Variants in ARHGEF16 observed in about 807,000 individuals in gnomAD.
ARHGEF16 encodes the protein Rho guanine nucleotide exchange factor 16.
A neutral mutation model predicts 74.1 loss-of-function variants in ARHGEF16; 59 were observed. The observed-to-expected ratio is 0.80, with a 90% CI of 0.65 to 0.99. ARHGEF16 has a LOEUF of 0.99. Ranked by LOEUF, ARHGEF16 falls within the 50% of genes least tolerant of loss-of-function variation. The probability of loss-of-function intolerance (pLI) is 0.00; values close to 1 mark genes in which losing one functional copy is unlikely to be tolerated. For synonymous variants in ARHGEF16, 415 were observed against 412.6 expected (o/e 1.01, Z -0.07); for missense variants, 948 against 986.6 (o/e 0.96, Z 0.52).
chr1:3,461,594 CA>C (rs1639396603), intron 1 of ARHGEF16, among the ~76,000 whole-genome samples: 2 of 152,180 alleles, frequency 1.3e-5, no homozygotes, highest in African/African-American at 2.4e-5. Flanking sequence ...TGCAAGTGCC[CA>C]GGGGGGTTGC....
chr1:3,480,974 T>G lies in ARHGEF16; in HGVS notation c.*387T>G. The G allele has an allele frequency of 4.9e-6, 1 of 203,136 alleles. No individual in the cohort carries two copies. The highest frequency in any genetic ancestry group is 9.9e-6 in the Non-Finnish European group (1 of 101,432). The allele number at this position is 203,136 out of a possible 1,614,324, so 12.6% of individuals were successfully genotyped here. A position where few individuals can be genotyped will look rare whatever the true frequency, so the allele number is the denominator to read the frequency against. On this transcript the variant is annotated 3_prime_UTR_variant, in exon 15 of 15. Transcript: ENST00000378378. ...GCGAGGTCTCCTCCTATGCCCTTCC[T>G]ACCCCTGAGTGGGACAAGAAGGGCC... is the stretch of plus-strand genomic sequence containing the variant.
In ARHGEF16 at chr1:3,478,167, C is replaced by T. The variant is rs1241862487; in HGVS notation, c.1625+141C>T. The T allele has an allele frequency of 5.0e-6, 6 of 1,210,730 alleles. No homozygotes were observed. In the Admixed American group the frequency reaches 1.1e-4, roughly 22 times the overall value. 75.0% of individuals were successfully genotyped at this position (1,210,730 alleles called of 1,614,324 possible). A position where few individuals can be genotyped will look rare whatever the true frequency, so the allele number is the denominator to read the frequency against. On this transcript the variant is annotated intron_variant, in intron 11 of 14. Transcript: ENST00000378378. ...GCGCGGCTTCCACTCGGCACATGCT[C>T]TACGTGACACTCGGGGGCAGGTGGC... is the stretch of plus-strand genomic sequence containing the variant.
At chr1:3,457,183 T>G (rs1246951108) in intron 1 of ARHGEF16, among the ~76,000 whole-genome samples, 1 of 152,134 alleles carries the variant, frequency 6.6e-6, no homozygotes, top group East Asian at 1.9e-4. Flanking sequence ...AAGCAAGTCC[T>G]CCCCCCGATT....
intron 6 of ARHGEF16, 23 bp downstream of exon 6, chr1:3,469,616 C>T: frequency 6.2e-7 from 1 of 1,611,728 alleles, no homozygotes; most frequent in Non-Finnish European, 8.5e-7. Flanking sequence ...CACAGCCTTC[C>T]ACACAGGGTC....
chr1:3,479,600 G>T lies in ARHGEF16; in HGVS notation c.1888+10G>T, dbSNP rs1182001006. On this transcript the variant is annotated intron_variant, in intron 13 of 14. Coordinates refer to ENST00000378378, the MANE Select transcript of ARHGEF16 (RefSeq NM_014448.4). ...CTCTCCAGCAAAGGAGGTGAGTGCG[G>T]GCTGGGGCCTGCAGGGCTGGCCCTC... is the stretch of plus-strand genomic sequence containing the variant. The T allele has an allele frequency of 3.2e-5, 52 of 1,610,084 alleles. No individual in the cohort carries two copies. The highest frequency in any genetic ancestry group is 1.2e-4 in the South Asian group (11 of 90,680).
At chr1:3,466,873 G>T (rs776895368) in intron 3 of ARHGEF16, 5 of 318,840 alleles carry the variant, frequency 1.6e-5, no homozygotes, top group Non-Finnish European at 2.9e-5. Flanking sequence ...AAATCCCTGG[G>T]AAGTGTCCCC....
At chr1:3,476,326 A>C (rs1214621044) in intron 10 of ARHGEF16, among the ~76,000 whole-genome samples, 1 of 152,092 alleles carries the variant, frequency 6.6e-6, no homozygotes, top group African/African-American at 2.4e-5. Flanking sequence ...CCAGGACTGC[A>C]CCGGCAAAGG....
chr1:3,476,527 G>A (rs754712371), intron 10 of ARHGEF16, among the ~76,000 whole-genome samples: 1 of 152,108 alleles, frequency 6.6e-6, no homozygotes, highest in Non-Finnish European at 1.5e-5. Context: ...TGGATTCTGG[G>A]TAGGGTGAAA....
At chr1:3,460,672 C>T (rs1639372648) in intron 1 of ARHGEF16, among the ~76,000 whole-genome samples, 1 of 152,156 alleles carries the variant, frequency 6.6e-6, no homozygotes, top group African/African-American at 2.4e-5. Flanking sequence ...AAAACGCAGA[C>T]ACCCTACTGT....
rs74050517 is a variant in ARHGEF16, at chr1:3,471,466, A to G, written c.1023-1612A>G. 966 of 242,626 alleles carry G rather than the reference A, an allele frequency of 4.0e-3. 15 individuals are homozygous for G. Among genetic ancestry groups the G allele is most frequent in the African/African-American group, 0.022 (934 of 42,952 alleles). 15.0% of individuals were successfully genotyped at this position (242,626 alleles called of 1,614,324 possible). ...AGGGAGCCGCCTTGTCCCTGGAGAC[A>G]GGGGCTTCCTGTAGAGCTCCAGGGA... On this transcript the variant is annotated intron_variant, in intron 6 of 14. Coordinates refer to ENST00000378378, the MANE Select transcript of ARHGEF16 (RefSeq NM_014448.4).
At chr1:3,480,134 C>T (rs534334263) in intron 14 of ARHGEF16, among the ~76,000 whole-genome samples, 1 of 152,220 alleles carries the variant, frequency 6.6e-6, no homozygotes, top group Non-Finnish European at 1.5e-5. Flanking sequence ...GGAGGTGTCT[C>T]TGCCCTCCCA....
intron 6 of ARHGEF16, among the ~76,000 whole-genome samples, chr1:3,471,334 A>G (rs1367588575): frequency 1.3e-5 from 2 of 151,996 alleles, no homozygotes; most frequent in Admixed American, 1.3e-4. Context: ...CTGCCCCAAC[A>G]GTGGTGGTTG....
rs1422817181 is a variant in ARHGEF16 at position 3,480,672 on chromosome 1, G to C, written c.*85G>C. Reference sequence around the variant, plus strand: ...TGGCTCTAGAGAGCGTGGGGAGCTGGTCTCAAGGACCCAGCATGGTTCCCT... The same window carrying C: ...TGGCTCTAGAGAGCGTGGGGAGCTGCTCTCAAGGACCCAGCATGGTTCCCT... On this transcript the variant is annotated 3_prime_UTR_variant, in exon 15 of 15. Transcript: ENST00000378378. The C allele has an allele frequency of 2.6e-6, 4 of 1,518,372 alleles. No homozygotes were observed. Among genetic ancestry groups the C allele is most frequent in the Non-Finnish European group, 3.5e-6 (4 of 1,132,046 alleles). The allele number at this position is 1,518,372 out of a possible 1,614,324, so 94.1% of individuals were successfully genotyped here. A position where few individuals can be genotyped will look rare whatever the true frequency, so the allele number is the denominator to read the frequency against.
At chr1:3,477,117 G>A (rs555590157) in intron 10 of ARHGEF16, among the ~76,000 whole-genome samples, 1 of 151,918 alleles carries the variant, frequency 6.6e-6, no homozygotes, top group South Asian at 2.1e-4. Context: ...GCAGAGGCCG[G>A]GAGCGGGAGG....
At chr1:3,471,722 TC>T in intron 6 of ARHGEF16, 1 of 1,220,624 alleles carries the variant, frequency 8.2e-7, no homozygotes. Context: ...TCCGGCCTCC[TC>T]CCCCAGCTGG....
chr1:3,469,792 C>T (rs561626479), intron 6 of ARHGEF16, among the ~76,000 whole-genome samples, 199 bp downstream of exon 6: 8 of 152,168 alleles, frequency 5.3e-5, no homozygotes, highest in African/African-American at 1.7e-4. Flanking sequence ...GCCCCAGGGC[C>T]GGGCTAAGCA....
In ARHGEF16 at chr1:3,465,657, G is replaced by A. The variant is rs746586304; in HGVS notation, c.589-491G>A. Among the ~76,000 whole-genome samples, 8 of 152,190 alleles carry A rather than the reference G, an allele frequency of 5.3e-5. No individual in the cohort carries two copies. The East Asian group carries it at 5.8e-4, about 11-fold the overall frequency. ...GTCCCAGCCGAGGAGGGTGGGCTCC[G>A]AGTCGGGCACCTGAGCGTGGGGGCT... On this transcript the variant is annotated intron_variant, in intron 2 of 14. Coordinates refer to ENST00000378378, the MANE Select transcript of ARHGEF16 (RefSeq NM_014448.4).
intron 10 of ARHGEF16, among the ~76,000 whole-genome samples, chr1:3,476,809 C>T (rs941030675): frequency 5.3e-4 from 75 of 142,794 alleles, no homozygotes; most frequent in African/African-American, 1.7e-3. Context: ...AGTAAGGGTG[C>T]GGGGTCCCAG....
chr1:3,468,196 A>G (rs914354712), intron 4 of ARHGEF16, among the ~76,000 whole-genome samples: 14 of 152,072 alleles, frequency 9.2e-5, no homozygotes, highest in Admixed American at 2.6e-4. Flanking sequence ...AGAGTTTCCG[A>G]CCCTGCATGG....
Sources: allele counts gnomAD v4.1 joint callset (sites outside exome capture counted in the v4.1 genomes callset), GRCh38; gene constraint gnomAD v4.1.1; transcripts MANE v1.5; gene names NCBI Gene and HGNC (gene_info 2026-07-23, HGNC 2026-07-21).